Variants in ADCY2 observed in about 807,000 individuals in gnomAD.
The protein encoded by ADCY2 is adenylate cyclase 2.
ADCY2 carries 31 observed loss-of-function variants against 125.2 expected under a neutral mutation model. The observed-to-expected ratio is 0.25, with a 90% CI of 0.19 to 0.33. The LOEUF (loss-of-function observed/expected upper bound fraction) is 0.33. ADCY2 is among the 10% of genes least tolerant of loss of function. The pLI is 1.00. For missense variants in ADCY2, 904 were observed against 1,418.2 expected, an observed-to-expected ratio of 0.64 and a Z score of 5.82; for synonymous variants, 512 against 548.4, an observed-to-expected ratio of 0.93 and a Z score of 0.93.
chr5:7,499,647 G>GTATATATATA (rs1743474389), intron 2 of ADCY2, among the ~76,000 whole-genome samples: 1 of 50,644 alleles, frequency 2.0e-5, no homozygotes, highest in African/African-American at 8.0e-5. Flanking sequence ...ATATGTGGGT[G>GTATATATATA]GATATATATA....
chr5:7,801,163 G>A (rs1457558841), intron 20 of ADCY2: 1 of 152,184 alleles, frequency 6.6e-6, no homozygotes, highest in Non-Finnish European at 1.5e-5. Context: ...TTCCTCTGAG[G>A]TGCCACCAAA....
chr5:7,489,055 A>G (rs1466257342), intron 2 of ADCY2, among the ~76,000 whole-genome samples: 1 of 152,184 alleles, frequency 6.6e-6, no homozygotes, highest in East Asian at 1.9e-4. Context: ...CAAGAAAAAT[A>G]TGCAAAACAC....
chr5:7,724,528 G>T lies in ADCY2; in HGVS notation c.1704-17G>T. On this transcript the variant is annotated splice_polypyrimidine_tract_variant and intron_variant, in intron 12 of 24. Coordinates refer to ENST00000338316, the MANE Select transcript of ADCY2 (RefSeq NM_020546.3). ...GGAGATTCAGTTTTATGATGTGTTG[G>T]CCCTTTCTATTTCCAGGCAATGGCT... is the stretch of plus-strand genomic sequence containing the variant. The T allele has an allele frequency of 6.3e-7, 1 of 1,598,782 alleles. No individual in the cohort carries two copies. Among genetic ancestry groups the T allele is most frequent in the Non-Finnish European group, 8.6e-7 (1 of 1,168,958 alleles).
chr5:7,802,053 G>T lies in ADCY2; in HGVS notation c.2629-165G>T. Reference sequence around the variant, plus strand: ...GCTCATTAGAAGCTTTCCCCTGAGAGCAGCGGCAGCATCTGGATTGGGCCG... The same window carrying T: ...GCTCATTAGAAGCTTTCCCCTGAGATCAGCGGCAGCATCTGGATTGGGCCG... On this transcript the variant is annotated intron_variant, in intron 20 of 24. Coordinates refer to ENST00000338316, the MANE Select transcript of ADCY2 (RefSeq NM_020546.3). The surrounding 1 kb of genome is among the most constrained non-coding windows in gnomAD (Gnocchi z 4.6). The T allele has an allele frequency of 1.5e-6, 1 of 668,936 alleles. No homozygotes were observed. The highest frequency in any genetic ancestry group is 2.5e-6 in the Non-Finnish European group (1 of 404,280). The allele number at this position is 668,936 out of a possible 1,614,324, so 41.4% of individuals were successfully genotyped here. A position where few individuals can be genotyped will look rare whatever the true frequency, so the allele number is the denominator to read the frequency against.
At chr5:7,775,551 T>C (rs550223222) in intron 18 of ADCY2, among the ~76,000 whole-genome samples, 1 of 151,506 alleles carries the variant, frequency 6.6e-6, no homozygotes, top group East Asian at 2.0e-4. Flanking sequence ...CCACCATGCC[T>C]GGCTGATTTT....
intron 3 of ADCY2, among the ~76,000 whole-genome samples, chr5:7,562,389 A>C (rs1318243613): frequency 2.0e-5 from 3 of 152,162 alleles, no homozygotes; most frequent in Non-Finnish European, 2.9e-5. Context: ...GAGCATCCTT[A>C]TAGCATCTGA....
chr5:7,693,421 T>TTTTTTTTTTTTTTG (rs1740783253), intron 5 of ADCY2, among the ~76,000 whole-genome samples: 1 of 120,616 alleles, frequency 8.3e-6, no homozygotes, highest in Non-Finnish European at 1.8e-5. Context: ...TTGTTTTTTT[T>TTTTTTTTTTTTTTG]TTTTTTTTTT....
At chr5:7,551,321 G>C (rs866569907) in intron 3 of ADCY2, among the ~76,000 whole-genome samples, 7 of 152,108 alleles carry the variant, frequency 4.6e-5, no homozygotes, top group Admixed American at 1.3e-4. Context: ...TATGTTCACA[G>C]TTCTTTTAAT....
At chr5:7,817,644 T>C (rs1260061186) in intron 23 of ADCY2, among the ~76,000 whole-genome samples, 2 of 151,974 alleles carry the variant, frequency 1.3e-5, no homozygotes, top group Non-Finnish European at 2.9e-5. Flanking sequence ...CTGGGCAACA[T>C]GATGAGACCC....
chr5:7,465,012 C>A (rs35018833), intron 2 of ADCY2, among the ~76,000 whole-genome samples: 17,506 of 152,072 alleles, frequency 0.12, 1,259 homozygotes, highest in African/African-American at 0.19. Context: ...AGAGAATGAG[C>A]GCCAAGTGAA....
At chr5:7,487,286 C>G (rs1742971155) in intron 2 of ADCY2, among the ~76,000 whole-genome samples, 1 of 152,164 alleles carries the variant, frequency 6.6e-6, no homozygotes, top group Non-Finnish European at 1.5e-5. Context: ...GTCATACCCT[C>G]CACATTCTCA....
In ADCY2 at chr5:7,820,519, A is replaced by G. The variant is rs749086199; in HGVS notation, c.2999-46A>G. The G allele has an allele frequency of 3.0e-5, 49 of 1,607,450 alleles. No homozygotes were observed. The Middle Eastern group carries it at 5.0e-4, about 17-fold the overall frequency. On this transcript the variant is annotated intron_variant, in intron 23 of 24. Coordinates refer to ENST00000338316, the MANE Select transcript of ADCY2 (RefSeq NM_020546.3). ...AAAAAATAAAAAAAATAAAAAGACA[A>G]TGGTTATAAGATGAATCTTGCTAAC...
chr5:7,804,484 AC>A, intron 21 of ADCY2, 100 bp from the exon 22 acceptor site: 1 of 916,048 alleles, frequency 1.1e-6, no homozygotes, highest in Non-Finnish European at 1.8e-6. Context: ...GAAACAAGTC[AC>A]GGCATTACTG....
chr5:7,764,987 G>A (rs985973940), intron 16 of ADCY2, among the ~76,000 whole-genome samples: 2 of 152,180 alleles, frequency 1.3e-5, no homozygotes, highest in African/African-American at 4.8e-5. Flanking sequence ...ATACTAGAAA[G>A]ACATAGCAGA....
At chr5:7,674,787 G>C (rs1359186169) in intron 4 of ADCY2, among the ~76,000 whole-genome samples, 1 of 152,152 alleles carries the variant, frequency 6.6e-6, no homozygotes, top group Non-Finnish European at 1.5e-5. Context: ...GATTTTTGAA[G>C]TTTATAATAC....
chr5:7,442,204 GT>G (rs1741040141), intron 2 of ADCY2, among the ~76,000 whole-genome samples: 2 of 152,156 alleles, frequency 1.3e-5, no homozygotes, highest in Admixed American at 1.3e-4. Flanking sequence ...GCATTTGCAT[GT>G]TGTGCCTCCT....
chr5:7,743,343 G>A (rs1344976447), intron 14 of ADCY2, among the ~76,000 whole-genome samples: 4 of 151,938 alleles, frequency 2.6e-5, no homozygotes, highest in African/African-American at 4.8e-5. Flanking sequence ...AGAGGCCACC[G>A]AGATGGGGGA....
At chr5:7,573,364 G>A (rs900312297) in intron 3 of ADCY2, among the ~76,000 whole-genome samples, 5 of 152,116 alleles carry the variant, frequency 3.3e-5, no homozygotes, top group East Asian at 3.9e-4. Context: ...AAGTGTGAGC[G>A]AAGGATTGAA....
At chr5:7,578,632 A>G (rs1736328865) in intron 3 of ADCY2, among the ~76,000 whole-genome samples, 1 of 152,164 alleles carries the variant, frequency 6.6e-6, no homozygotes, top group South Asian at 2.1e-4. Context: ...AATCGTGGGC[A>G]TCTTATTTTA....
Sources: allele counts gnomAD v4.1 joint callset (sites outside exome capture counted in the v4.1 genomes callset), GRCh38; gene constraint gnomAD v4.1.1; non-coding constraint Gnocchi (gnomAD v3.1); transcripts MANE v1.5; gene names NCBI Gene and HGNC (gene_info 2026-07-23, HGNC 2026-07-21).